The following ZNF429 variants were observed in gnomAD, a reference collection of about 807,000 sequenced individuals.
ZNF429 encodes the protein zinc finger protein 429.
ZNF429 carries 53 observed loss-of-function variants against 56.8 expected under a neutral mutation model. That is an observed-to-expected ratio of 0.93 (90% confidence interval 0.75 to 1.17). The LOEUF is 1.17. ZNF429 is among the 50% of genes most tolerant of loss of function. The pLI is 0.00. For missense variants in ZNF429, 849 were observed against 788.4 expected, an observed-to-expected ratio of 1.08 and a Z score of -0.92; for synonymous variants, 278 against 264.7, an observed-to-expected ratio of 1.05 and a Z score of -0.49.
At chr19:21,527,843 G>A (rs1010042258) in intron 1 of ZNF429, among the ~76,000 whole-genome samples, 1 of 152,116 alleles carries the variant, frequency 6.6e-6, no homozygotes, top group African/African-American at 2.4e-5. Context: ...GAATTTTACA[G>A]AAATTGGAAA....
At position 21,539,225 on chromosome 19, in the gene ZNF429, TAC is replaced by T. The variant is rs2033835321; in HGVS notation, c.*1149_*1150del. ...TATGATATTGAATACATGTATTAAA[TAC>T]ATAGAATATGATATTTAATACATAG... On this transcript the variant is annotated 3_prime_UTR_variant, in exon 4 of 4. Transcript: ENST00000358491. Among the ~76,000 whole-genome samples, 1 of 152,044 alleles carries T rather than the reference TAC, an allele frequency of 6.6e-6. No homozygotes were observed. Among genetic ancestry groups the T allele is most frequent in the African/African-American group, 2.4e-5 (1 of 41,406 alleles).
At chr19:21,507,220 C>G (rs961993904) in intron 1 of ZNF429, among the ~76,000 whole-genome samples, 1 of 152,128 alleles carries the variant, frequency 6.6e-6, no homozygotes, top group Non-Finnish European at 1.5e-5. Flanking sequence ...TACTCCCACG[C>G]CCCCCATTCC....
At chr19:21,528,390 C>T (rs933487253) in intron 1 of ZNF429, among the ~76,000 whole-genome samples, 13 of 152,074 alleles carry the variant, frequency 8.5e-5, no homozygotes, top group African/African-American at 3.1e-4. Flanking sequence ...AAAAAGACTA[C>T]TTTAAATCAT....
intron 1 of ZNF429, 86 bp from the exon 2 acceptor site, chr19:21,529,571 AT>A (rs1347193273): frequency 7.8e-7 from 1 of 1,288,690 alleles, no homozygotes; most frequent in Non-Finnish European, 1.0e-6. Flanking sequence ...TTCACCTTGA[AT>A]TAAATAAAAA....
intron 1 of ZNF429, among the ~76,000 whole-genome samples, chr19:21,508,780 GA>G (rs1324022462): frequency 3.2e-4 from 48 of 151,908 alleles, no homozygotes; most frequent in African/African-American, 1.1e-3. Context: ...AAAGAATAGG[GA>G]AAAATCTCTT....
chr19:21,532,433 C>G, intron 3 of ZNF429, among the ~76,000 whole-genome samples: 1 of 152,170 alleles, frequency 6.6e-6, no homozygotes, highest in African/African-American at 2.4e-5. Context: ...AAAAACACTA[C>G]TGGAACAGAA....
At chr19:21,526,245 A>C (rs903526936) in intron 1 of ZNF429, among the ~76,000 whole-genome samples, 1 of 151,908 alleles carries the variant, frequency 6.6e-6, no homozygotes, top group Non-Finnish European at 1.5e-5. Context: ...TAAGTTCTTT[A>C]GTGGTGATTT....
intron 1 of ZNF429, among the ~76,000 whole-genome samples, chr19:21,511,296 C>T (rs1010060263): frequency 1.3e-5 from 2 of 152,166 alleles, no homozygotes; most frequent in East Asian, 1.9e-4. Flanking sequence ...GGCTGCCGGG[C>T]GGAGACGCTC....
intron 3 of ZNF429, among the ~76,000 whole-genome samples, chr19:21,531,323 T>C: frequency 6.6e-6 from 1 of 151,864 alleles, no homozygotes; most frequent in South Asian, 2.1e-4. Flanking sequence ...TACAAATCCA[T>C]AGGGCATCTC....
At chr19:21,531,106 C>CAAAAAAAAAAAAAAAAAAAAAAA in intron 3 of ZNF429, among the ~76,000 whole-genome samples, 1 of 17,552 alleles carries the variant, frequency 5.7e-5, no homozygotes, top group Non-Finnish European at 9.8e-5. Flanking sequence ...AACTCCATCT[C>CAAAAAAAAAAAAAAAAAAAAAAA]AAAAAAAAAA....
rs201591362 is a variant in ZNF429, at chr19:21,536,590, C to T, written c.537C>T (p.Gly179=). ...AACCTTTCCAGTGTAAAAAATGTGG[C>T]AAATCATTTTGCATGCTTTCACAAC... The part of the protein sequence containing the change: ...GKKPFQCKKC[G]KSFCMLSQLT... The change falls in exon 4 of 4, where the codon GGC becomes GGT. Residue 179 remains glycine, a synonymous_variant. Coordinates refer to ENST00000358491, the MANE Select transcript of ZNF429 (RefSeq NM_001001415.4). 6.2e-7 allele frequency: 1 copy of T among 1,613,632 alleles called. No individual in the cohort carries two copies. Among genetic ancestry groups the T allele is most frequent in the Non-Finnish European group, 8.5e-7 (1 of 1,179,796 alleles).
At chr19:21,518,683 G>C (rs999322294) in intron 1 of ZNF429, 1 of 152,088 alleles carries the variant, frequency 6.6e-6, no homozygotes, top group African/African-American at 2.4e-5. Context: ...CTCCTGAGTA[G>C]CTGGGACTAC....
At chr19:21,515,284 C>G (rs1360738528) in intron 1 of ZNF429, among the ~76,000 whole-genome samples, 3 of 145,284 alleles carry the variant, frequency 2.1e-5, no homozygotes, top group African/African-American at 5.2e-5. Flanking sequence ...GCCATTCTGA[C>G]TGGTGTGAGA....
intron 3 of ZNF429, among the ~76,000 whole-genome samples, chr19:21,531,666 G>A: frequency 5.3e-5 from 8 of 152,000 alleles, no homozygotes; most frequent in Admixed American, 1.3e-4. Flanking sequence ...TTAGCTGAGC[G>A]TGGTGGCAGG....
At position 21,531,092 on chromosome 19, in the gene ZNF429, G is replaced by A; in HGVS notation, c.226+408G>A. ...TTGCACTCCAGCCTGGGCAACAAGA[G>A]TGAAACTCCATCTCAAAAAAAAAAA... On this transcript the variant is annotated intron_variant, in intron 3 of 3. Transcript: ENST00000358491. Among the ~76,000 whole-genome samples the A allele has an allele frequency of 4.1e-5, 4 of 97,722 alleles. No individual in the cohort carries two copies. In the East Asian group the frequency reaches 1.4e-3, roughly 35 times the overall value. 64.1% of individuals were successfully genotyped at this position (97,722 alleles called of 152,430 possible).
At chr19:21,511,127 G>A (rs1243312105) in intron 1 of ZNF429, among the ~76,000 whole-genome samples, 1 of 152,234 alleles carries the variant, frequency 6.6e-6, no homozygotes, top group African/African-American at 2.4e-5. Context: ...TGGCCGGGCA[G>A]AGGGGCTCCT....
At chr19:21,524,492 C>T (rs939112788) in intron 1 of ZNF429, among the ~76,000 whole-genome samples, 6 of 151,842 alleles carry the variant, frequency 4.0e-5, no homozygotes, top group African/African-American at 7.3e-5. Flanking sequence ...CATGCCACTG[C>T]ACTCCAGCCT....
chr19:21,509,056 T>C (rs2032324698), intron 1 of ZNF429, among the ~76,000 whole-genome samples: 1 of 151,872 alleles, frequency 6.6e-6, no homozygotes, highest in South Asian at 2.1e-4. Context: ...TGCTCAAGGC[T>C]GGGGTGCAGT....
intron 1 of ZNF429, chr19:21,507,375 C>T (rs1219554538): frequency 6.6e-6 from 1 of 152,198 alleles, no homozygotes; most frequent in East Asian, 1.9e-4. Context: ...TTTAATTAAA[C>T]ATTTTTTGAC....
Sources: allele counts gnomAD v4.1 joint callset (sites outside exome capture counted in the v4.1 genomes callset), GRCh38; gene constraint gnomAD v4.1.1; transcripts MANE v1.5; gene names NCBI Gene and HGNC (gene_info 2026-07-23, HGNC 2026-07-21).